The following SLC35A3 variants were observed in gnomAD, a reference collection of about 807,000 sequenced individuals.
The protein encoded by SLC35A3 is UDP-N-acetylglucosamine transporter.
SLC35A3 carries 26 observed loss-of-function variants against 39.0 expected under a neutral mutation model. The ratio of observed to expected loss-of-function variants is 0.67; its 90% confidence interval spans 0.49 to 0.92. The LOEUF (loss-of-function observed/expected upper bound fraction) is 0.92. SLC35A3 is among the 40% of genes least tolerant of loss of function. The pLI is 0.00. For synonymous variants in SLC35A3, 135 were observed against 133.1 expected (o/e 1.01, Z -0.10); for missense variants, 299 against 371.6 (o/e 0.80, Z 1.61).
At position 100,034,994 on chromosome 1, in the gene SLC35A3, T is replaced by C. The variant is rs1376790283; in HGVS notation, c.*12518T>C. 1.3e-5 allele frequency: 2 copies of C among 152,158 alleles called. No homozygotes were observed. Among genetic ancestry groups the C allele is most frequent in the African/African-American group, 4.8e-5 (2 of 41,420 alleles). 9.4% of individuals were successfully genotyped at this position (152,158 alleles called of 1,614,324 possible). On this transcript the variant is annotated 3_prime_UTR_variant, in exon 8 of 8. Transcript: ENST00000533028. ...TACTAGTTTGTTAGCCAGTGTTAGT[T>C]TCTGTTGATCCTAACCAAAAAACCC...
intron 1 of SLC35A3, among the ~76,000 whole-genome samples, chr1:99,987,624 T>C (rs1657824605): frequency 1.3e-5 from 2 of 152,300 alleles, no homozygotes; most frequent in East Asian, 1.9e-4. Flanking sequence ...TAGCCTAATG[T>C]AGGCATGAAA....
intron 1 of SLC35A3, chr1:99,970,380 A>G: frequency 1.7e-6 from 1 of 599,048 alleles, no homozygotes; most frequent in South Asian, 2.0e-5. Flanking sequence ...CCGACGGACG[A>G]CGTGCGGAAT....
At chr1:99,998,155 CT>C (rs544309699) in intron 2 of SLC35A3, among the ~76,000 whole-genome samples, 1,554 of 133,628 alleles carry the variant, frequency 0.012, 13 homozygotes, top group African/African-American at 0.013. Flanking sequence ...AGTCACATTT[CT>C]TTTTTTTTTT....
intron 3 of SLC35A3, among the ~76,000 whole-genome samples, chr1:100,004,929 G>C (rs915332325): frequency 1.3e-5 from 2 of 151,892 alleles, no homozygotes; most frequent in South Asian, 2.1e-4. Flanking sequence ...GCTAATTTTT[G>C]TATTTTTAGT....
chr1:99,979,464 C>G (rs1265704300), intron 1 of SLC35A3, among the ~76,000 whole-genome samples: 1 of 147,226 alleles, frequency 6.8e-6, no homozygotes, highest in Non-Finnish European at 1.5e-5. Context: ...GACAGAGTCT[C>G]ACTCTGTTGC....
At position 99,975,266 on chromosome 1, in the gene SLC35A3, C is replaced by A. The variant is rs1296071197; in HGVS notation, c.-19+5104C>A. On this transcript the variant is annotated intron_variant, in intron 1 of 7. Transcript: ENST00000533028. ...CCTGCATTTGTCTTTTATGTTATTA[C>A]ACAGAGTTATGAAGAGATCATTCTC... Among the ~76,000 whole-genome samples the A allele has an allele frequency of 2.0e-5, 3 of 152,196 alleles. No individual in the cohort carries two copies. In the East Asian group the frequency reaches 5.8e-4, roughly 29 times the overall value.
chr1:99,994,366 T>C (rs1658263347), intron 2 of SLC35A3, among the ~76,000 whole-genome samples: 1 of 152,068 alleles, frequency 6.6e-6, no homozygotes, highest in Admixed American at 6.6e-5. Context: ...TATCTAAATT[T>C]TATCTAAAAT....
At chr1:100,011,683 A>ATTTAT (rs1372485591) in intron 5 of SLC35A3, 150 bp downstream of exon 5, 1 of 169,934 alleles carries the variant, frequency 5.9e-6, no homozygotes, top group African/African-American at 2.6e-5. Flanking sequence ...AAAACATTTT[A>ATTTAT]TTATTTATTT....
At chr1:99,986,184 A>G (rs1057444842) in intron 1 of SLC35A3, among the ~76,000 whole-genome samples, 3 of 130,934 alleles carry the variant, frequency 2.3e-5, no homozygotes, top group African/African-American at 9.2e-5. Flanking sequence ...TTTTTTTTTG[A>G]GACAGGGTCT....
chr1:99,981,131 C>T (rs1197026545), intron 1 of SLC35A3, among the ~76,000 whole-genome samples: 1 of 152,138 alleles, frequency 6.6e-6, no homozygotes, highest in Admixed American at 6.5e-5. Context: ...CAACTGAGCT[C>T]AGCATTTCTG....
chr1:99,984,217 T>C (rs1657620136), intron 1 of SLC35A3, among the ~76,000 whole-genome samples: 1 of 152,198 alleles, frequency 6.6e-6, no homozygotes, highest in Non-Finnish European at 1.5e-5. Context: ...TTATATATAA[T>C]ATTTAGAAGC....
At chr1:100,008,559 C>G (rs1249122221) in intron 4 of SLC35A3, 1 of 152,222 alleles carries the variant, frequency 6.6e-6, no homozygotes, top group Non-Finnish European at 1.5e-5. Flanking sequence ...CTGCTGCATA[C>G]TTCACACTCT....
At position 100,023,426 on chromosome 1, in the gene SLC35A3, A is replaced by C. The variant is rs919152938; in HGVS notation, c.*950A>C. On this transcript the variant is annotated 3_prime_UTR_variant, in exon 8 of 8. Transcript: ENST00000533028. ...CAAGCATATACTGTATACAGTTAGA[A>C]AGTTATTAAATGAACATTTTACTCA... 1 of 152,236 alleles carries C rather than the reference A, an allele frequency of 6.6e-6. No homozygotes were observed. The highest frequency in any genetic ancestry group is 2.4e-5 in the African/African-American group (1 of 41,458). The allele number at this position is 152,236 out of a possible 1,614,324, so 9.4% of individuals were successfully genotyped here.
At chr1:99,982,252 C>T (rs1295363625) in intron 1 of SLC35A3, among the ~76,000 whole-genome samples, 5 of 152,046 alleles carry the variant, frequency 3.3e-5, no homozygotes, top group African/African-American at 7.3e-5. Context: ...CCGCCCACCT[C>T]GGCCTCCCAA....
intron 1 of SLC35A3, chr1:99,978,844 T>C (rs1657275931): frequency 2.0e-5 from 3 of 152,212 alleles, no homozygotes; most frequent in African/African-American, 4.8e-5. Context: ...GTAAACCAGT[T>C]TTCCTAATAA....
intron 4 of SLC35A3, chr1:100,008,639 G>A (rs1371171664): frequency 6.6e-6 from 1 of 152,132 alleles, no homozygotes; most frequent in Non-Finnish European, 1.5e-5. Context: ...TCTTTCTCTT[G>A]TGCCTACAAT....
intron 5 of SLC35A3, among the ~76,000 whole-genome samples, chr1:100,014,232 A>G (rs965142264): frequency 1.3e-5 from 2 of 151,924 alleles, no homozygotes; most frequent in Non-Finnish European, 2.9e-5. Flanking sequence ...TTATTTATTT[A>G]TTTTTTTAGA....
Position 100,017,646 on chromosome 1 carries a change from A to G in SLC35A3, c.754-36A>G, listed in dbSNP as rs766022200. 5 of 1,402,240 alleles carry G rather than the reference A, an allele frequency of 3.6e-6. No individual in the cohort carries two copies. The South Asian group carries it at 5.6e-5, about 16-fold the overall frequency. 86.9% of individuals were successfully genotyped at this position (1,402,240 alleles called of 1,614,324 possible). On this transcript the variant is annotated intron_variant, in intron 6 of 7. Coordinates refer to ENST00000533028, the MANE Select transcript of SLC35A3 (RefSeq NM_012243.3). Reference sequence around the variant, plus strand: ...AAAGTGTTTTGAAATGCAGTTTTACATGTGTGTTTTAAAAAATATTTTTTT... The same window carrying G: ...AAAGTGTTTTGAAATGCAGTTTTACGTGTGTGTTTTAAAAAATATTTTTTT...
intron 1 of SLC35A3, among the ~76,000 whole-genome samples, chr1:99,977,344 T>C (rs1570563861): frequency 1.6e-5 from 2 of 126,396 alleles, no homozygotes; most frequent in African/African-American, 6.5e-5. Context: ...ATCGCGAAAC[T>C]CCGTCTCTAT....
Sources: allele counts gnomAD v4.1 joint callset (sites outside exome capture counted in the v4.1 genomes callset), GRCh38; gene constraint gnomAD v4.1.1; transcripts MANE v1.5; gene names NCBI Gene and HGNC (gene_info 2026-07-23, HGNC 2026-07-21).